The following REC114 variants were observed in gnomAD, a reference collection of about 807,000 sequenced individuals.
REC114 encodes meiotic recombination protein REC114.
A neutral mutation model predicts 31.3 loss-of-function variants in REC114; 27 were observed. The ratio of observed to expected loss-of-function variants is 0.86; its 90% CI spans 0.64 to 1.19. The LOEUF (loss-of-function observed/expected upper bound fraction) is 1.19. Among genes scored for constraint, REC114 ranks in the 50% most tolerant of loss-of-function variants. The pLI is 0.00. For missense variants in REC114, 344 were observed against 326.9 expected (o/e 1.05, Z -0.40); for synonymous variants, 134 against 127.7 (o/e 1.05, Z -0.33).
chr15:73,555,774 A>G (rs1270029461), intron 4 of REC114, among the ~76,000 whole-genome samples: 1 of 152,352 alleles, frequency 6.6e-6, no homozygotes, highest in Non-Finnish European at 1.5e-5. Context: ...TTCTTTCAGA[A>G]TATCTAAAAT....
intron 2 of REC114, among the ~76,000 whole-genome samples, chr15:73,508,941 G>C (rs1278700523): frequency 6.7e-6 from 1 of 150,162 alleles, no homozygotes; most frequent in African/African-American, 2.5e-5. Flanking sequence ...ATGATTTATA[G>C]TCATTTGGGT....
chr15:73,470,171 T>C (rs1284084261), intron 1 of REC114, among the ~76,000 whole-genome samples: 5 of 152,184 alleles, frequency 3.3e-5, no homozygotes, highest in Non-Finnish European at 5.9e-5. Flanking sequence ...TCTGTTATCT[T>C]GCTATTTGTT....
chr15:73,453,833 G>C (rs1567847722), intron 1 of REC114, among the ~76,000 whole-genome samples: 1 of 152,102 alleles, frequency 6.6e-6, no homozygotes, highest in Non-Finnish European at 1.5e-5. Context: ...CATGGATGAA[G>C]CTGGAAACCA....
intron 2 of REC114, among the ~76,000 whole-genome samples, chr15:73,502,011 C>G (rs1392770087): frequency 6.6e-6 from 1 of 152,044 alleles, no homozygotes; most frequent in Non-Finnish European, 1.5e-5. Context: ...GAGTTATGAG[C>G]TGGGCACAGT....
chr15:73,540,455 G>T, intron 2 of REC114, 30 bp from the exon 3 acceptor site: 3 of 1,527,324 alleles, frequency 2.0e-6, no homozygotes, highest in Middle Eastern at 1.7e-4. Context: ...TTTTGTTTCT[G>T]TTGCTAATTT....
intron 1 of REC114, among the ~76,000 whole-genome samples, chr15:73,470,519 A>T (rs1893119385): frequency 6.6e-6 from 1 of 152,184 alleles, no homozygotes; most frequent in African/African-American, 2.4e-5. Flanking sequence ...TTCATTTAAA[A>T]GTTCTTATTT....
intron 3 of REC114, among the ~76,000 whole-genome samples, chr15:73,542,349 A>G (rs1282003342): frequency 1.3e-5 from 2 of 151,796 alleles, no homozygotes; most frequent in East Asian, 1.9e-4. Context: ...AAAAAGAAAA[A>G]AAAAAAGAAA....
At chr15:73,496,627 T>A (rs531952982) in intron 2 of REC114, among the ~76,000 whole-genome samples, 1 of 146,366 alleles carries the variant, frequency 6.8e-6, no homozygotes, top group Non-Finnish European at 1.5e-5. Flanking sequence ...CACTCCAGGC[T>A]GGATGACACG....
At chr15:73,466,681 G>A (rs1211309686) in intron 1 of REC114, among the ~76,000 whole-genome samples, 1 of 152,176 alleles carries the variant, frequency 6.6e-6, no homozygotes, top group Admixed American at 6.5e-5. Context: ...CACTTAATTT[G>A]AAGAGAATAA....
intron 4 of REC114, among the ~76,000 whole-genome samples, chr15:73,553,130 G>A (rs557348482): frequency 6.6e-6 from 1 of 152,178 alleles, no homozygotes; most frequent in African/African-American, 2.4e-5. Context: ...TAAGTTTCTT[G>A]TTACTCATAA....
At chr15:73,526,062 C>T (rs1274809001) in intron 2 of REC114, among the ~76,000 whole-genome samples, 1 of 152,060 alleles carries the variant, frequency 6.6e-6, no homozygotes, top group African/African-American at 2.4e-5. Context: ...TTAATTTAAC[C>T]CTTTATCATA....
intron 2 of REC114, among the ~76,000 whole-genome samples, chr15:73,521,945 T>A (rs898356791): frequency 6.6e-6 from 1 of 152,196 alleles, no homozygotes; most frequent in Non-Finnish European, 1.5e-5. Context: ...CTAACTCAAA[T>A]TGAACACATA....
intron 2 of REC114, among the ~76,000 whole-genome samples, chr15:73,479,293 A>G (rs1893260716): frequency 6.7e-6 from 1 of 148,464 alleles, no homozygotes; most frequent in South Asian, 2.1e-4. Flanking sequence ...TCTGGTATTT[A>G]TCTATTTTTA....
chr15:73,453,374 G>C (rs368568743), intron 1 of REC114, among the ~76,000 whole-genome samples: 1 of 152,150 alleles, frequency 6.6e-6, no homozygotes. Context: ...AAAAAAGCTC[G>C]TCATCACTGG....
At chr15:73,547,167 C>G (rs1028251047) in intron 3 of REC114, among the ~76,000 whole-genome samples, 1 of 151,970 alleles carries the variant, frequency 6.6e-6, no homozygotes, top group South Asian at 2.1e-4. Flanking sequence ...GGATTAGTAA[C>G]CAGAATGTAT....
intron 2 of REC114, among the ~76,000 whole-genome samples, chr15:73,527,823 T>A (rs1053135510): frequency 6.6e-6 from 1 of 152,040 alleles, no homozygotes; most frequent in South Asian, 2.1e-4. Context: ...CTTCCAAATA[T>A]GAGTGGATGG....
rs1458435436 is a variant in REC114, at chr15:73,512,114, G to C, written c.250-28371G>C. ...GTAGGTCACTCAGGACTTGCTTTAT[G>C]AATCTGGGTGCTCCTATATTGGGTG... On this transcript the variant is annotated intron_variant, in intron 2 of 5. Coordinates refer to ENST00000331090, the MANE Select transcript of REC114 (RefSeq NM_001042367.2). 7.7e-3 allele frequency among the ~76,000 whole-genome samples: 1,087 copies of C among 141,074 alleles called. 14 individuals carry two copies. Among genetic ancestry groups the C allele is most frequent in the African/African-American group, 0.025 (813 of 33,142 alleles). 92.6% of individuals were successfully genotyped at this position (141,074 alleles called of 152,430 possible). A position where few individuals can be genotyped will look rare whatever the true frequency, so the allele number is the denominator to read the frequency against.
intron 2 of REC114, among the ~76,000 whole-genome samples, chr15:73,509,983 T>G (rs1183189195): frequency 1.3e-5 from 2 of 151,750 alleles, no homozygotes; most frequent in African/African-American, 4.8e-5. Context: ...GTGAAGAAAG[T>G]CATTGGTATC....
intron 2 of REC114, among the ~76,000 whole-genome samples, chr15:73,474,491 T>C (rs115441769): frequency 0.011 from 1,738 of 152,184 alleles, 29 homozygotes; most frequent in African/African-American, 0.04. Flanking sequence ...AAAAAAACAA[T>C]TGGTAACTTC....
Sources: gnomAD v4.1 joint callset for allele counts (sites outside exome capture counted in the v4.1 genomes callset) on GRCh38, gnomAD v4.1.1 for gene constraint, MANE v1.5 for transcripts, NCBI Gene and HGNC (gene_info 2026-07-23, HGNC 2026-07-21) for gene names.